PRELID2: variants seen among roughly 807,000 people sequenced by gnomAD.
PRELID2 encodes PRELI domain containing 2, also known as PRELI domain-containing protein 2.
In PRELID2, 25 loss-of-function variants were observed where a neutral mutation model predicts 28.4. The observed-to-expected ratio is 0.88, with a 90% confidence interval of 0.64 to 1.23. The LOEUF is 1.23. PRELID2 is among the 50% of genes most tolerant of loss of function. The probability of loss-of-function intolerance (pLI) is 0.00; values close to 1 mark genes in which losing one functional copy is unlikely to be tolerated. For synonymous variants in PRELID2, 76 were observed against 71.6 expected (o/e 1.06, Z -0.31); for missense variants, 201 against 214.4 (o/e 0.94, Z 0.39).
intron 1 of PRELID2, chr5:145,729,450 AC>A (rs538352910): frequency 4.9e-4 from 160 of 327,088 alleles, no homozygotes; most frequent in African/African-American, 3.2e-3. Context: ...CTAAGTCCTC[AC>A]TTTGTCTTCT....
intron 5 of PRELID2, among the ~76,000 whole-genome samples, chr5:145,786,626 C>A (rs77015375): frequency 1.9e-3 from 291 of 152,272 alleles, no homozygotes; most frequent in Non-Finnish European, 3.4e-3. Context: ...TGCCTAGACT[C>A]CTAATCTACA....
intron 1 of PRELID2, among the ~76,000 whole-genome samples, chr5:145,617,066 C>G (rs1753708720): frequency 2.6e-5 from 4 of 152,220 alleles, no homozygotes; most frequent in Admixed American, 2.6e-4. Context: ...CTCTGTTCCA[C>G]CCGGCTACTG....
At chr5:145,396,215 C>T in the PRELID2 span, among the ~76,000 whole-genome samples, 38 of 152,164 alleles carry the variant, frequency 2.5e-4, no homozygotes, top group Non-Finnish European at 5.1e-4. Flanking sequence ...GTAATAACAA[C>T]CAACATCCTC....
chr5:145,639,425 G>A (rs1754057838), intron 1 of PRELID2, among the ~76,000 whole-genome samples: 1 of 152,128 alleles, frequency 6.6e-6, no homozygotes, highest in South Asian at 2.1e-4. Flanking sequence ...TTGCCATCTG[G>A]AATCTTCTTA....
Position 145,496,593 on chromosome 5 carries a change from G to A in PRELID2, n.71-23278C>T, listed in dbSNP as rs547196762. Among the ~76,000 whole-genome samples the A allele has an allele frequency of 2.1e-3, 327 of 152,288 alleles. 1 individual carries two copies. Among genetic ancestry groups the A allele is most frequent in the African/African-American group, 7.4e-3 (308 of 41,566 alleles). On this transcript the variant is annotated intron_variant and non_coding_transcript_variant, in intron 1 of 2. Coordinates refer to the PRELID2 transcript ENST00000510259. ...CTACACCCAGCCAATGATTGGGCAT[G>A]GTCAAGGCTCCACTTGTGACCACCA...
chr5:145,278,631 G>T, the PRELID2 span, among the ~76,000 whole-genome samples: 3 of 152,132 alleles, frequency 2.0e-5, no homozygotes, highest in African/African-American at 7.2e-5. Flanking sequence ...CATAATCATG[G>T]AGGTGACACG....
intron 1 of PRELID2, among the ~76,000 whole-genome samples, chr5:145,521,689 G>C (rs1752564128): frequency 1.3e-5 from 2 of 152,268 alleles, no homozygotes; most frequent in South Asian, 4.1e-4. Flanking sequence ...TCTATGGCAA[G>C]AAATGCAGCC....
intron 1 of PRELID2, among the ~76,000 whole-genome samples, chr5:145,620,556 T>C (rs114995667): frequency 2.0e-3 from 297 of 152,260 alleles, no homozygotes; most frequent in African/African-American, 6.8e-3. Context: ...AATATAAAAC[T>C]TCTCTAAAAA....
chr5:145,783,939 A>G (rs1481607464), intron 5 of PRELID2, among the ~76,000 whole-genome samples: 1 of 152,184 alleles, frequency 6.6e-6, no homozygotes, highest in Non-Finnish European at 1.5e-5. Context: ...TTCACAGATA[A>G]AGAATTGAGC....
At chr5:145,653,976 G>C (rs2149673019) in intron 1 of PRELID2, among the ~76,000 whole-genome samples, 1 of 151,994 alleles carries the variant, frequency 6.6e-6, no homozygotes, top group East Asian at 1.9e-4. Context: ...TTTTTTAAAA[G>C]ATCAATAAAA....
chr5:145,546,796 G>A (rs1420896128), intron 1 of PRELID2, among the ~76,000 whole-genome samples: 3 of 152,098 alleles, frequency 2.0e-5, no homozygotes. Flanking sequence ...AACAAAAAAT[G>A]CCTATTCTAA....
intron 1 of PRELID2, among the ~76,000 whole-genome samples, chr5:145,479,029 C>T (rs961642563): frequency 6.6e-6 from 1 of 152,320 alleles, no homozygotes; most frequent in Admixed American, 6.5e-5. Context: ...TTGACCAGAA[C>T]CTGAACATCA....
At chr5:145,288,825 A>G in the PRELID2 span, among the ~76,000 whole-genome samples, 1 of 152,134 alleles carries the variant, frequency 6.6e-6, no homozygotes, top group East Asian at 1.9e-4. Context: ...TTGTATGTCT[A>G]TAACTTCTTA....
intron 1 of PRELID2, among the ~76,000 whole-genome samples, chr5:145,639,511 T>C (rs1273560169): frequency 6.6e-6 from 1 of 152,174 alleles, no homozygotes; most frequent in African/African-American, 2.4e-5. Flanking sequence ...ATTGAAATAA[T>C]TACTTTGGAG....
chr5:145,803,418 C>CTA (rs397810932), intron 4 of PRELID2, among the ~76,000 whole-genome samples: 4 of 151,516 alleles, frequency 2.6e-5, no homozygotes. Context: ...CACACACACA[C>CTA]TATATATACA....
chr5:145,311,435 C>T, the PRELID2 span, among the ~76,000 whole-genome samples: 1 of 152,096 alleles, frequency 6.6e-6, no homozygotes, highest in Non-Finnish European at 1.5e-5. Flanking sequence ...TTTTATCTTA[C>T]CCTAGGTCTC....
At chr5:145,387,757 CCCT>C in the PRELID2 span, among the ~76,000 whole-genome samples, 4 of 151,858 alleles carry the variant, frequency 2.6e-5, no homozygotes, top group African/African-American at 9.7e-5. Context: ...CATAAGGAGA[CCCT>C]GTCTGTACAA....
the PRELID2 span, among the ~76,000 whole-genome samples, chr5:145,452,677 T>C: frequency 6.6e-6 from 1 of 152,140 alleles, no homozygotes; most frequent in Non-Finnish European, 1.5e-5. Context: ...CGGTGCTATT[T>C]CCAGATTCTA....
chr5:145,431,454 T>G, the PRELID2 span, among the ~76,000 whole-genome samples: 1 of 152,178 alleles, frequency 6.6e-6, no homozygotes, highest in Non-Finnish European at 1.5e-5. Flanking sequence ...CATCAAATAC[T>G]TACGAATTTC....
Sources: gnomAD v4.1 joint callset for allele counts (sites outside exome capture counted in the v4.1 genomes callset) on GRCh38, gnomAD v4.1.1 for gene constraint, MANE v1.5 for transcripts, NCBI Gene and HGNC (gene_info 2026-07-23, HGNC 2026-07-21) for gene names.